The following FGF14 variants were observed in gnomAD, a reference collection of about 807,000 sequenced individuals.
FGF14 encodes fibroblast growth factor 14, also known as fibroblast growth factor homologous factor 4.
In FGF14, 5 loss-of-function variants were observed where a neutral mutation model predicts 25.5. The observed-to-expected ratio is 0.20, with a 90% confidence interval of 0.10 to 0.41. The LOEUF is 0.41. Among genes scored for constraint, FGF14 ranks in the 10% least tolerant of loss-of-function variants. The probability of loss-of-function intolerance (pLI) is 1.00; values close to 1 mark genes in which losing one functional copy is unlikely to be tolerated. For synonymous variants in FGF14, 138 were observed against 118.3 expected (o/e 1.17, Z -1.08); for missense variants, 222 against 320.1 (o/e 0.69, Z 2.34).
At chr13:102,176,238 C>A (rs759412642) in intron 1 of FGF14, among the ~76,000 whole-genome samples, 56 of 151,942 alleles carry the variant, frequency 3.7e-4, no homozygotes, top group Non-Finnish European at 7.1e-4. Flanking sequence ...TATGCAGCCA[C>A]AAAGAAGAAT....
intron 3 of FGF14, among the ~76,000 whole-genome samples, chr13:101,832,461 A>C (rs981088604): frequency 1.3e-5 from 2 of 152,086 alleles, no homozygotes; most frequent in African/African-American, 4.8e-5. Context: ...TTTAAAGGGA[A>C]GGAACGTCAT....
intron 4 of FGF14, among the ~76,000 whole-genome samples, chr13:101,726,263 C>G (rs1185618932): frequency 6.6e-6 from 1 of 151,916 alleles, no homozygotes. Context: ...TTCTAATATA[C>G]TTATCATCGC....
At chr13:102,201,145 CTTCT>C (rs1329143717) in intron 1 of FGF14, among the ~76,000 whole-genome samples, 2 of 125,950 alleles carry the variant, frequency 1.6e-5, no homozygotes, top group African/African-American at 5.8e-5. Flanking sequence ...AGACTAATGT[CTTCT>C]TTATCAAAAG....
intron 1 of FGF14, among the ~76,000 whole-genome samples, chr13:102,307,591 T>C (rs2055464675): frequency 6.6e-6 from 1 of 152,182 alleles, no homozygotes; most frequent in Admixed American, 6.5e-5. Flanking sequence ...ACACACCATG[T>C]ACTTGTTATT....
intron 1 of FGF14, among the ~76,000 whole-genome samples, chr13:101,949,245 C>T (rs1335723899): frequency 6.6e-6 from 1 of 152,176 alleles, no homozygotes. Context: ...CAATATTTGT[C>T]CCTACCGGGA....
At chr13:102,318,340 A>C (rs913949075) in intron 1 of FGF14, among the ~76,000 whole-genome samples, 1 of 152,094 alleles carries the variant, frequency 6.6e-6, no homozygotes, top group Admixed American at 6.6e-5. Flanking sequence ...CCCTACCCAA[A>C]CTGGGCACTC....
chr13:102,383,004 A>G (rs1237678710), intron 1 of FGF14, among the ~76,000 whole-genome samples: 2 of 152,102 alleles, frequency 1.3e-5, no homozygotes, highest in Non-Finnish European at 2.9e-5. Flanking sequence ...AGTTGATGAA[A>G]ATATTCTAGA....
chr13:102,328,222 T>C (rs1005405427), intron 1 of FGF14, among the ~76,000 whole-genome samples: 9 of 152,216 alleles, frequency 5.9e-5, no homozygotes, highest in African/African-American at 1.9e-4. Context: ...ATCTTGAAGG[T>C]TGAAGTTCTT....
At chr13:101,748,747 T>TAAAAAA (rs55785965) in intron 3 of FGF14, among the ~76,000 whole-genome samples, 4 of 70,694 alleles carry the variant, frequency 5.7e-5, no homozygotes, top group Non-Finnish European at 7.9e-5. Flanking sequence ...TGGAGGTTTC[T>TAAAAAA]AAAAAAAAAA....
At chr13:101,941,958 ACT>A (rs2035482297) in intron 1 of FGF14, among the ~76,000 whole-genome samples, 1 of 152,118 alleles carries the variant, frequency 6.6e-6, no homozygotes, top group African/African-American at 2.4e-5. Context: ...TATATGTTTT[ACT>A]CTCTTAATAT....
At chr13:101,904,902 T>C (rs999936085) in intron 1 of FGF14, among the ~76,000 whole-genome samples, 4 of 152,162 alleles carry the variant, frequency 2.6e-5, no homozygotes, top group Non-Finnish European at 5.9e-5. Flanking sequence ...TTTTGCAACT[T>C]TTACAATTTT....
At chr13:102,081,441 C>T (rs1479211449) in intron 1 of FGF14, among the ~76,000 whole-genome samples, 1 of 152,126 alleles carries the variant, frequency 6.6e-6, no homozygotes, top group East Asian at 1.9e-4. Context: ...TTTTCCTTTG[C>T]CTTTACTCTG....
At chr13:101,966,571 C>G (rs4771413) in intron 1 of FGF14, among the ~76,000 whole-genome samples, 25,426 of 152,044 alleles carry the variant, frequency 0.17, 2,477 homozygotes, top group Admixed American at 0.3. Flanking sequence ...CAACCTCCGC[C>G]TCCCAGGTTC....
intron 1 of FGF14, among the ~76,000 whole-genome samples, chr13:102,088,745 A>G (rs2044037774): frequency 1.3e-5 from 2 of 152,160 alleles, no homozygotes; most frequent in Non-Finnish European, 2.9e-5. Context: ...TGGGTACTTT[A>G]TATTAAATTA....
chr13:101,769,259 C>A (rs2038606788), intron 3 of FGF14, among the ~76,000 whole-genome samples: 2 of 151,988 alleles, frequency 1.3e-5, no homozygotes, highest in South Asian at 4.2e-4. Flanking sequence ...CCACTGCACG[C>A]CTATTTGGAA....
At chr13:102,083,434 A>T (rs1023771784) in intron 1 of FGF14, among the ~76,000 whole-genome samples, 99 of 124,790 alleles carry the variant, frequency 7.9e-4, no homozygotes, top group Non-Finnish European at 2.4e-4. Flanking sequence ...TTTTTTTTTA[A>T]AATTAACCCA....
chr13:101,999,389 C>T (rs1278846934), intron 1 of FGF14, among the ~76,000 whole-genome samples: 1 of 152,100 alleles, frequency 6.6e-6, no homozygotes, highest in Non-Finnish European at 1.5e-5. Context: ...GCTGTTTCTG[C>T]TTTTCATAGT....
intron 1 of FGF14, among the ~76,000 whole-genome samples, chr13:102,165,436 C>T (rs550680220): frequency 6.6e-6 from 1 of 151,998 alleles, no homozygotes; most frequent in South Asian, 2.1e-4. Flanking sequence ...CAATTATAGA[C>T]TGGGTTAAGA....
At chr13:101,798,722 G>T (rs1459271774) in intron 3 of FGF14, among the ~76,000 whole-genome samples, 1 of 152,086 alleles carries the variant, frequency 6.6e-6, no homozygotes, top group Non-Finnish European at 1.5e-5. Flanking sequence ...GGTTGCATTT[G>T]CCTGTGTCTA....
Sources: gnomAD v4.1 joint callset for allele counts (sites outside exome capture counted in the v4.1 genomes callset) on GRCh38, gnomAD v4.1.1 for gene constraint, MANE v1.5 for transcripts, NCBI Gene and HGNC (gene_info 2026-07-23, HGNC 2026-07-21) for gene names.